PRR36: variants seen among roughly 807,000 people sequenced by gnomAD.
PRR36 encodes the protein proline-rich protein 36.
In PRR36, 30 loss-of-function variants were observed where a neutral mutation model predicts 58.6. The ratio of observed to expected loss-of-function variants is 0.51; its 90% confidence interval spans 0.38 to 0.69. The LOEUF (loss-of-function observed/expected upper bound fraction) is 0.69. Ranked by LOEUF, PRR36 falls within the 30% of genes least tolerant of loss-of-function variation. PRR36 has a pLI of 0.00. For missense variants in PRR36, 1,692 were observed against 1,805.6 expected (o/e 0.94, Z 1.14); for synonymous variants, 771 against 829.3 (o/e 0.93, Z 1.21).
intron 5 of PRR36, 51 bp from the exon 6 acceptor site, chr19:7,869,595 G>A (rs1003304969): frequency 2.0e-6 from 3 of 1,495,762 alleles, no homozygotes; most frequent in Non-Finnish European, 2.7e-6. Flanking sequence ...CCCCGCCCCT[G>A]CCTCAAGGTC....
Position 7,870,110 on chromosome 19 carries a change from G to C in PRR36, c.3134C>G (p.Pro1045Arg), listed in dbSNP as rs976632529. 52 of 1,485,526 alleles carry C rather than the reference G, an allele frequency of 3.5e-5. No individual in the cohort carries two copies. The highest frequency in any genetic ancestry group is 4.6e-5 in the Non-Finnish European group (52 of 1,124,736). 92.0% of individuals were successfully genotyped at this position (1,485,526 alleles called of 1,614,324 possible). A position where few individuals can be genotyped will look rare whatever the true frequency, so the allele number is the denominator to read the frequency against. The change falls in exon 5 of 6, where the codon CCT becomes CGT. Residue 1045 changes from proline to arginine, a missense_variant. Physicochemically the swap from Pro to Arg is moderately radical, Grantham distance 103. Coordinates refer to ENST00000618550, the MANE Select transcript of PRR36 (RefSeq NM_001190467.2). Reference sequence around the variant, plus strand: ...GGCCTGTGGAGGAGGCGTGGCCAAAGGAGACATTGGGAGTGAGGCAGAGGG... The same window carrying C: ...GGCCTGTGGAGGAGGCGTGGCCAAACGAGACATTGGGAGTGAGGCAGAGGG... ...FSPSASLPMS[P>R]LATPPPQAPP...
In PRR36 at chr19:7,869,071, C is replaced by A; in HGVS notation, c.4003G>T (p.Gly1335Cys). The A allele has an allele frequency of 6.5e-7, 1 of 1,533,768 alleles. No individual in the cohort carries two copies. Among genetic ancestry groups the A allele is most frequent in the Non-Finnish European group, 8.7e-7 (1 of 1,145,968 alleles). Residue 1335 changes from glycine (G) to cysteine (C), a missense_variant, in exon 6 of 6, where the codon GGT becomes TGT. This residue lies in a region of PRR36 where 485 missense variants were observed against 549.2 expected (regional missense o/e 0.88). Transcript: ENST00000618550. ...FSPDDVASPQ[G>C]DWTVVEVETF... ...TCCACCTCCACCACGGTCCAGTCAC[C>A]CTGCGGGGAGGCCACGTCGTCCGGA... is the stretch of plus-strand genomic sequence containing the variant.
chr19:7,869,270 C>T lies in PRR36; in HGVS notation c.3804G>A (p.Ala1268=). The T allele has an allele frequency of 3.4e-6, 5 of 1,463,652 alleles. No individual in the cohort carries two copies. Among genetic ancestry groups the T allele is most frequent in the Non-Finnish European group, 4.5e-6 (5 of 1,118,672 alleles). The allele number at this position is 1,463,652 out of a possible 1,614,324, so 90.7% of individuals were successfully genotyped here. A position where few individuals can be genotyped will look rare whatever the true frequency, so the allele number is the denominator to read the frequency against. The change falls in exon 6 of 6, where the codon GCG becomes GCA. Residue 1268 remains alanine, a synonymous_variant. Coordinates refer to ENST00000618550, the MANE Select transcript of PRR36 (RefSeq NM_001190467.2). ...QHLLSRTLLL[A]AAEGAAGGSG... ...TGCCGCCCGCGGCACCCTCGGCAGC[C>T]GCCAGCAGCAGCGTCCGGCTCAGCA...
chr19:7,870,603 G>T lies in PRR36; in HGVS notation c.2641C>A (p.His881Asn). The T allele has an allele frequency of 7.7e-7, 1 of 1,305,998 alleles. No individual in the cohort carries two copies. The highest frequency in any genetic ancestry group is 9.7e-7 in the Non-Finnish European group (1 of 1,031,140). The allele number at this position is 1,305,998 out of a possible 1,614,324, so 80.9% of individuals were successfully genotyped here. Residue 881 changes from histidine (H) to asparagine (N), a missense_variant, in exon 5 of 6, where the codon CAC becomes AAC. This residue lies in a region of PRR36 where 171 missense variants were observed against 146.2 expected (regional missense o/e 1.17). Coordinates refer to ENST00000618550, the MANE Select transcript of PRR36 (RefSeq NM_001190467.2). ...GGAGAGAAAGGGGCCTGCAGAAGGT[G>T]CACTGCCAGAGCATTTGGGGCCTGT... ...SPQAPNALAV[H>N]LLQAPFSPPP...
chr19:7,872,157 T>G lies in PRR36; in HGVS notation c.1087A>C (p.Thr363Pro). 4.2e-6 allele frequency: 6 copies of G among 1,445,348 alleles called. No homozygotes were observed. The highest frequency in any genetic ancestry group is 5.4e-6 in the Non-Finnish European group (6 of 1,102,140). 89.5% of individuals were successfully genotyped at this position (1,445,348 alleles called of 1,614,324 possible). The part of the protein sequence containing the change: ...LPATPHSSSL[T>P]CQLATPLPLA... ...GGAAGGGGCGTGGCCAACTGACAGG[T>G]AAGGCTCGACGAGTGGGGCGTGGCC... The change falls in exon 5 of 6, where the codon ACC becomes CCC. Residue 363 changes from threonine to proline, a missense_variant. Physicochemically the swap from Thr to Pro is conservative, Grantham distance 38. Around this residue, in one of 5 missense-constraint regions of PRR36, gnomAD observed 975 missense variants for 955.2 expected, o/e 1.02. Coordinates refer to ENST00000618550, the MANE Select transcript of PRR36 (RefSeq NM_001190467.2). The surrounding 1 kb of genome is among the most constrained non-coding windows in gnomAD (Gnocchi z 6.1).
In PRR36 at chr19:7,872,740, G is replaced by C. The variant is rs1162985145; in HGVS notation, c.504C>G (p.Thr168=). 25 of 1,453,508 alleles carry C rather than the reference G, an allele frequency of 1.7e-5. No homozygotes were observed. The highest frequency in any genetic ancestry group is 2.3e-5 in the Non-Finnish European group (25 of 1,107,076). 90.0% of individuals were successfully genotyped at this position (1,453,508 alleles called of 1,614,324 possible). A position where few individuals can be genotyped will look rare whatever the true frequency, so the allele number is the denominator to read the frequency against. ...CCATGGCCGGGGACGGGGTTCCTGG[G>C]GTAGGCCCGGAAGTGTCTGGAGAAA... ...AGARRDTSGP[T]PGTPSPAMAR... is the part of the protein sequence containing the mutation. Residue 168 remains threonine (T), a synonymous_variant, in exon 5 of 6, where the codon ACC becomes ACG. Transcript: ENST00000618550. The surrounding 1 kb of genome is among the most constrained non-coding windows in gnomAD (Gnocchi z 6.1).
In PRR36 at chr19:7,869,539, G is replaced by A. The variant is rs1980275820; in HGVS notation, c.3535C>T (p.Pro1179Ser). The A allele has an allele frequency of 6.6e-7, 1 of 1,517,968 alleles. No homozygotes were observed. Among genetic ancestry groups the A allele is most frequent in the Non-Finnish European group, 8.8e-7 (1 of 1,139,074 alleles). The allele number at this position is 1,517,968 out of a possible 1,614,324, so 94.0% of individuals were successfully genotyped here. A position where few individuals can be genotyped will look rare whatever the true frequency, so the allele number is the denominator to read the frequency against. ...CCGGTAGCGGGAGGCCACGGCAGGG[G>A]CGCACCTGCGGGGAGAGACGCCAGG... ...PLAFRGAPGA[P>S]LPWPPATGPG... is the part of the protein sequence containing the mutation. Residue 1179 changes from proline (P) to serine (S), a missense_variant, in exon 6 of 6, where the codon CCC becomes TCC. Pro to Ser is a moderately conservative substitution (Grantham distance 74). This residue lies in a region of PRR36 where 485 missense variants were observed against 549.2 expected (regional missense o/e 0.88). Coordinates refer to ENST00000618550, the MANE Select transcript of PRR36 (RefSeq NM_001190467.2).
chr19:7,871,943 A>G lies in PRR36; in HGVS notation c.1301T>C (p.Met434Thr). ...SPSVSSPLQS[M>T]PPTQANPALP... Reference sequence around the variant, plus strand: ...CGCTGGATTAGCTTGGGTGGGGGGCATACTCTGCAGAGGGGATGAAACTGA... The same window carrying G: ...CGCTGGATTAGCTTGGGTGGGGGGCGTACTCTGCAGAGGGGATGAAACTGA... The change falls in exon 5 of 6, where the codon ATG (methionine) becomes ACG (threonine). Residue 434 changes from methionine (M) to threonine (T), a missense_variant. Transcript: ENST00000618550. 6.5e-7 allele frequency: 1 copy of G among 1,535,718 alleles called. No homozygotes were observed. Among genetic ancestry groups the G allele is most frequent in the Non-Finnish European group, 8.7e-7 (1 of 1,146,806 alleles).
chr19:7,869,180 G>T lies in PRR36; in HGVS notation c.3894C>A (p.Ser1298Arg), dbSNP rs1173490421. 2.0e-6 allele frequency: 3 copies of T among 1,535,042 alleles called. No individual in the cohort carries two copies. The highest frequency in any genetic ancestry group is 2.6e-6 in the Non-Finnish European group (3 of 1,146,630). Residue 1298 changes from serine to arginine, a missense_variant, in exon 6 of 6, where the codon AGC becomes AGA. Ser to Arg is a moderately radical substitution (Grantham distance 110). Coordinates refer to ENST00000618550, the MANE Select transcript of PRR36 (RefSeq NM_001190467.2). ...CGGCCCAGCGGCCGAGTTCGGCGTC[G>T]CTGAGTGCAGCCCGGGCGCCCCCTG... ...GVTGGARAAL[S>R]DAELGRWAEL...
At position 7,872,593 on chromosome 19, in the gene PRR36, G is replaced by T; in HGVS notation, c.651C>A (p.Thr217=). 6.6e-7 allele frequency: 1 copy of T among 1,521,460 alleles called. No homozygotes were observed. The highest frequency in any genetic ancestry group is 8.8e-7 in the Non-Finnish European group (1 of 1,140,934). 94.2% of individuals were successfully genotyped at this position (1,521,460 alleles called of 1,614,324 possible). The change falls in exon 5 of 6, where the codon ACC becomes ACA. Residue 217 remains threonine (T), a synonymous_variant. Transcript: ENST00000618550. This position sits in a 1 kb window ranked among gnomAD's most constrained non-coding sequence, Gnocchi z 6.1. ...KSVSSASEHS[T]TEPSPAARRR... is the part of the protein sequence containing the mutation. ...TCCTGGCAGCCGGGCTTGGCTCGGTGGTACTGTGCTCCGAGGCGCTGCTCA... is the reference window on the plus strand; with the variant it reads ...TCCTGGCAGCCGGGCTTGGCTCGGTTGTACTGTGCTCCGAGGCGCTGCTCA...
chr19:7,869,917 G>T lies in PRR36; in HGVS notation c.3327C>A (p.Ser1109Arg). The change falls in exon 5 of 6, where the codon AGC becomes AGA. Residue 1109 changes from serine to arginine, a missense_variant. Ser to Arg is a moderately radical substitution (Grantham distance 110). Coordinates refer to ENST00000618550, the MANE Select transcript of PRR36 (RefSeq NM_001190467.2). ...APGPPPPPSRSPSSTLSGPDL... is the reference protein window; with the variant it reads ...APGPPPPPSRRPSSTLSGPDL... Reference sequence around the variant, plus strand: ...CTGGGCCGCTCAGCGTGCTGGACGGGCTGCGCGAGGGCGGCGGCGGCGGGC... The same window carrying T: ...CTGGGCCGCTCAGCGTGCTGGACGGTCTGCGCGAGGGCGGCGGCGGCGGGC... 7.3e-7 allele frequency: 1 copy of T among 1,366,002 alleles called. No individual in the cohort carries two copies. Among genetic ancestry groups the T allele is most frequent in the Non-Finnish European group, 9.4e-7 (1 of 1,066,832 alleles). 84.6% of individuals were successfully genotyped at this position (1,366,002 alleles called of 1,614,324 possible).
Position 7,873,714 on chromosome 19 carries a change from TC to T in PRR36, c.-7-19del. 1.3e-6 allele frequency: 2 copies of T among 1,530,752 alleles called. No homozygotes were observed. Among genetic ancestry groups the T allele is most frequent in the Non-Finnish European group, 1.7e-6 (2 of 1,144,170 alleles). The allele number at this position is 1,530,752 out of a possible 1,614,324, so 94.8% of individuals were successfully genotyped here. A position where few individuals can be genotyped will look rare whatever the true frequency, so the allele number is the denominator to read the frequency against. ...TCTTGCACCTGAAGAGACAAACCGG[TC>T]CGCATCCCAGGTTCTGGACAGCTAC... is the stretch of plus-strand genomic sequence containing the variant. On this transcript the variant is annotated intron_variant, in intron 1 of 5. Transcript: ENST00000618550. The surrounding 1 kb of genome is among the most constrained non-coding windows in gnomAD (Gnocchi z 5.0).
Position 7,871,488 on chromosome 19 carries a change from G to GA in PRR36, c.1755dup (p.Pro586SerfsTer49), listed in dbSNP as rs1568252224. ...AGAGAATGTGGGACCTGTATTGGGG[G>GA]AATGGTCTGGAGAGAGGGCGGGGCC... On this transcript the variant is annotated frameshift_variant, in exon 5 of 6. Coordinates refer to ENST00000618550, the MANE Select transcript of PRR36 (RefSeq NM_001190467.2). LOFTEE classifies it high-confidence loss of function. 1 of 1,535,584 alleles carries GA rather than the reference G, an allele frequency of 6.5e-7. No homozygotes were observed. Among genetic ancestry groups the GA allele is most frequent in the African/African-American group, 1.4e-5 (1 of 73,032 alleles).
intron 5 of PRR36, 38 bp downstream of exon 5, chr19:7,869,677 C>A (rs1980283141): frequency 1.5e-6 from 2 of 1,378,704 alleles, no homozygotes; most frequent in East Asian, 6.2e-5. Flanking sequence ...CGCCTCCGAC[C>A]CCGCCCACAG....
chr19:7,868,915 A>G lies in PRR36; in HGVS notation c.*118T>C. 8.2e-7 allele frequency: 1 copy of G among 1,220,346 alleles called. No individual in the cohort carries two copies. The highest frequency in any genetic ancestry group is 1.1e-6 in the Non-Finnish European group (1 of 910,336). The allele number at this position is 1,220,346 out of a possible 1,614,324, so 75.6% of individuals were successfully genotyped here. On this transcript the variant is annotated 3_prime_UTR_variant, in exon 6 of 6. Coordinates refer to ENST00000618550, the MANE Select transcript of PRR36 (RefSeq NM_001190467.2). The stretch of plus-strand genomic sequence containing the variant: ...AAGGCTCAGGCTCTAGGGAGCTAAG[A>G]CTAATCCACCCAGCGGGGCTCCAGG...
In PRR36 at chr19:7,872,568, T is replaced by G. The variant is rs1980515093; in HGVS notation, c.676A>C (p.Arg226=). The G allele has an allele frequency of 1.3e-6, 2 of 1,522,144 alleles. No homozygotes were observed. Among genetic ancestry groups the G allele is most frequent in the Admixed American group, 2.0e-5 (1 of 48,900 alleles). The allele number at this position is 1,522,144 out of a possible 1,614,324, so 94.3% of individuals were successfully genotyped here. ...AGACCCCCACCGGCGCTGGGCCGCC[T>G]CCTGGCAGCCGGGCTTGGCTCGGTG... is the stretch of plus-strand genomic sequence containing the variant. ...STTEPSPAAR[R]RPSAGGGLQR... Residue 226 remains arginine (R), a synonymous_variant, in exon 5 of 6, where the codon AGG becomes CGG. Coordinates refer to ENST00000618550, the MANE Select transcript of PRR36 (RefSeq NM_001190467.2). This position sits in a 1 kb window ranked among gnomAD's most constrained non-coding sequence, Gnocchi z 6.1.
At position 7,870,615 on chromosome 19, in the gene PRR36, C is replaced by G; in HGVS notation, c.2629G>C (p.Ala877Pro). ...LATPSPQAPNALAVHLLQAPF... is the reference protein window; with the variant it reads ...LATPSPQAPNPLAVHLLQAPF... ...GCCTGCAGAAGGTGCACTGCCAGAGCATTTGGGGCCTGTGGAGAGGGTGTG... is the reference window on the plus strand; with the variant it reads ...GCCTGCAGAAGGTGCACTGCCAGAGGATTTGGGGCCTGTGGAGAGGGTGTG... Residue 877 changes from alanine (A) to proline (P), a missense_variant, in exon 5 of 6, where the codon GCT becomes CCT. By Grantham distance (27) the Ala-to-Pro change is conservative. Transcript: ENST00000618550. 2.4e-6 allele frequency: 3 copies of G among 1,248,104 alleles called. No individual in the cohort carries two copies. Among genetic ancestry groups the G allele is most frequent in the Non-Finnish European group, 3.0e-6 (3 of 1,003,322 alleles). 77.3% of individuals were successfully genotyped at this position (1,248,104 alleles called of 1,614,324 possible). A position where few individuals can be genotyped will look rare whatever the true frequency, so the allele number is the denominator to read the frequency against.
In PRR36 at chr19:7,871,568, A is replaced by G. The variant is rs1980448366; in HGVS notation, c.1676T>C (p.Leu559Pro). The G allele has an allele frequency of 6.5e-7, 1 of 1,535,552 alleles. No homozygotes were observed. ...VSPSLLASPP[L>P]QAPPHPQAPP... ...GGCCTGTGGGTGGGGCGGAGCCTGCAGAGGCGGTGAGGCCAAAAGAGAGGG... is the reference window on the plus strand; with the variant it reads ...GGCCTGTGGGTGGGGCGGAGCCTGCGGAGGCGGTGAGGCCAAAAGAGAGGG... The change falls in exon 5 of 6, where the codon CTG (leucine) becomes CCG (proline). Residue 559 changes from leucine to proline, a missense_variant. By Grantham distance (98) the Leu-to-Pro change is moderately conservative. Transcript: ENST00000618550.
chr19:7,872,337 G>A lies in PRR36; in HGVS notation c.907C>T (p.Pro303Ser). 6.9e-7 allele frequency: 1 copy of A among 1,453,408 alleles called. No individual in the cohort carries two copies. The highest frequency in any genetic ancestry group is 9.0e-7 in the Non-Finnish European group (1 of 1,109,326). 90.0% of individuals were successfully genotyped at this position (1,453,408 alleles called of 1,614,324 possible). Residue 303 changes from proline (P) to serine (S), a missense_variant, in exon 5 of 6, where the codon CCT becomes TCT. Coordinates refer to ENST00000618550, the MANE Select transcript of PRR36 (RefSeq NM_001190467.2). This position sits in a 1 kb window ranked among gnomAD's most constrained non-coding sequence, Gnocchi z 6.1. Reference protein sequence around the residue: ...APALGPLSSSPLATPSPSGTK... With the variant: ...APALGPLSSSSLATPSPSGTK... ...CCCGATGGAGAGGGTGTGGCCAAAG[G>A]AGAGGAAGAAAGCGGTCCTAGTGCT...
Sources: gnomAD v4.1 joint callset for allele counts on GRCh38, gnomAD v4.1.1 for gene constraint, gnomAD v4.1.1 regional missense constraint, Gnocchi (gnomAD v3.1) non-coding constraint, MANE v1.5 for transcripts, NCBI Gene and HGNC (gene_info 2026-07-23, HGNC 2026-07-21) for gene names.